Variants in SORCS2 observed in about 807,000 individuals in gnomAD.
SORCS2 encodes the protein VPS10 domain-containing receptor SorCS2.
Under a neutral mutation model 141.6 loss-of-function variants are expected in SORCS2, and 100 were observed. The observed-to-expected ratio is 0.71, with a 90% CI of 0.60 to 0.83. The LOEUF is 0.83. SORCS2 is among the 40% of genes least tolerant of loss of function. SORCS2 has a pLI of 0.00. For missense variants in SORCS2, 1,646 were observed against 1,560.2 expected (o/e 1.05, Z -0.93); for synonymous variants, 789 against 676.9 (o/e 1.17, Z -2.57).
intron 1 of SORCS2, among the ~76,000 whole-genome samples, chr4:7,388,939 C>T (rs375725222): frequency 6.6e-5 from 10 of 152,296 alleles, no homozygotes; most frequent in African/African-American, 2.4e-4. Flanking sequence ...GGACTTTAGG[C>T]ATCCCTCATT....
In SORCS2 at chr4:7,723,622, A is replaced by T; in HGVS notation, c.2425-75A>T. 3 of 1,492,096 alleles carry T rather than the reference A, an allele frequency of 2.0e-6. No homozygotes were observed. The South Asian group carries it at 3.4e-5, about 17-fold the overall frequency. The allele number at this position is 1,492,096 out of a possible 1,614,324, so 92.4% of individuals were successfully genotyped here. ...CAATGAATGAATGAGTGAGTGAGTG[A>T]GTGAGTGAATGAACCACTCTGGCCC... On this transcript the variant is annotated intron_variant, in intron 18 of 26. Transcript: ENST00000507866.
chr4:7,324,023 C>T (rs982893953), intron 1 of SORCS2, among the ~76,000 whole-genome samples: 5 of 152,202 alleles, frequency 3.3e-5, no homozygotes, highest in African/African-American at 7.2e-5. Context: ...CATCCTTACG[C>T]GATGGGTCTC....
chr4:7,698,567 G>A (rs969559825), intron 12 of SORCS2, among the ~76,000 whole-genome samples: 3 of 152,228 alleles, frequency 2.0e-5, no homozygotes, highest in Non-Finnish European at 2.9e-5. Context: ...CAATAGACAG[G>A]GTGAAATAGA....
intron 2 of SORCS2, among the ~76,000 whole-genome samples, chr4:7,471,560 C>CGG (rs567095933): frequency 1.5e-3 from 222 of 152,346 alleles, no homozygotes; most frequent in African/African-American, 4.8e-3. Flanking sequence ...GGCCCTCCAG[C>CGG]GGGGCTCGCC....
At chr4:7,462,843 A>G (rs1385214282) in intron 2 of SORCS2, among the ~76,000 whole-genome samples, 1 of 150,172 alleles carries the variant, frequency 6.7e-6, no homozygotes, top group Non-Finnish European at 1.5e-5. Context: ...CACTCGCCAG[A>G]GGGAGCGCTC....
chr4:7,737,222 C>A, intron 26 of SORCS2, 50 bp downstream of exon 26: 6 of 1,547,616 alleles, frequency 3.9e-6, no homozygotes, highest in Non-Finnish European at 4.4e-6. Flanking sequence ...TAGGTAACGT[C>A]CGCCCCAAAC....
intron 1 of SORCS2, among the ~76,000 whole-genome samples, chr4:7,203,635 A>G (rs1428222110): frequency 6.6e-6 from 1 of 152,202 alleles, no homozygotes; most frequent in Non-Finnish European, 1.5e-5. Context: ...TTTTTTCTTT[A>G]TTACTATTTT....
chr4:7,662,644 G>A (rs925025076), intron 6 of SORCS2, among the ~76,000 whole-genome samples: 3 of 152,320 alleles, frequency 2.0e-5, no homozygotes, highest in South Asian at 2.1e-4. Context: ...TTCACTGTCC[G>A]CATCACACCA....
Position 7,338,119 on chromosome 4 carries a change from A to C in SORCS2, c.481-58169A>C, listed in dbSNP as rs1402976425. 5.3e-5 allele frequency among the ~76,000 whole-genome samples: 8 copies of C among 150,872 alleles called. No individual in the cohort carries two copies. In the East Asian group the frequency reaches 1.6e-3, roughly 29 times the overall value. On this transcript the variant is annotated intron_variant, in intron 1 of 26. Transcript: ENST00000507866. The stretch of plus-strand genomic sequence containing the variant: ...TGGATGTTGGATGGATGTTGGATGG[A>C]TGGATGGATGGATGGATGTTGGTTG...
chr4:7,423,439 C>A (rs970596844), intron 2 of SORCS2, among the ~76,000 whole-genome samples: 2 of 152,102 alleles, frequency 1.3e-5, no homozygotes, highest in Non-Finnish European at 2.9e-5. Context: ...TTTTTAGAAA[C>A]AGGGTCTCAC....
chr4:7,443,958 C>A (rs994166337), intron 2 of SORCS2, among the ~76,000 whole-genome samples: 1 of 152,228 alleles, frequency 6.6e-6, no homozygotes, highest in Non-Finnish European at 1.5e-5. Flanking sequence ...CACATGTCCA[C>A]CTGACCCCAA....
intron 3 of SORCS2, among the ~76,000 whole-genome samples, chr4:7,545,975 C>G (rs78220293): frequency 6.6e-6 from 1 of 152,142 alleles, no homozygotes; most frequent in African/African-American, 2.4e-5. Context: ...GCTGCCTTCT[C>G]GTTATCTTCA....
At chr4:7,505,661 C>T (rs930428426) in intron 2 of SORCS2, among the ~76,000 whole-genome samples, 1 of 152,132 alleles carries the variant, frequency 6.6e-6, no homozygotes, top group African/African-American at 2.4e-5. Context: ...AGAGGGTACT[C>T]AGATACCCCC....
chr4:7,731,426 A>C (rs1235444758), intron 23 of SORCS2, among the ~76,000 whole-genome samples: 2 of 152,252 alleles, frequency 1.3e-5, no homozygotes, highest in African/African-American at 4.8e-5. Flanking sequence ...AAGGTCTATC[A>C]AAATTTCAAT....
intron 1 of SORCS2, among the ~76,000 whole-genome samples, chr4:7,381,155 T>C (rs1187654597): frequency 1.3e-5 from 2 of 151,928 alleles, no homozygotes; most frequent in Non-Finnish European, 2.9e-5. Context: ...TGGGTGATTC[T>C]GGTGCAGATG....
At chr4:7,225,008 A>G (rs1244134449) in intron 1 of SORCS2, among the ~76,000 whole-genome samples, 2 of 152,210 alleles carry the variant, frequency 1.3e-5, no homozygotes, top group Non-Finnish European at 2.9e-5. Flanking sequence ...AAATGCTTCC[A>G]AGGGAGAGAG....
intron 14 of SORCS2, 71 bp from the exon 15 acceptor site, chr4:7,712,662 C>T (rs1159871757): frequency 1.3e-6 from 2 of 1,594,832 alleles, no homozygotes; most frequent in Admixed American, 1.7e-5. Context: ...CCAGAGGGGA[C>T]ATGATTTGCA....
chr4:7,704,164 C>G lies in SORCS2; in HGVS notation c.1761-13C>G. 1 of 1,608,486 alleles carries G rather than the reference C, an allele frequency of 6.2e-7. No individual in the cohort carries two copies. The highest frequency in any genetic ancestry group is 8.5e-7 in the Non-Finnish European group (1 of 1,177,596). On this transcript the variant is annotated splice_polypyrimidine_tract_variant and intron_variant, in intron 13 of 26. Transcript: ENST00000507866. ...AGCCCACCCCAGAGATGCTGACGAT[C>G]TTCTCCTGGCAGGTTCAGTGTGGAC...
intron 4 of SORCS2, among the ~76,000 whole-genome samples, chr4:7,651,757 G>A (rs1042566403): frequency 1.3e-5 from 2 of 152,204 alleles, no homozygotes; most frequent in African/African-American, 4.8e-5. Context: ...CCAGAACAGA[G>A]GGCCTTGACC....
Sources: gnomAD v4.1 joint callset for allele counts (sites outside exome capture counted in the v4.1 genomes callset) on GRCh38, gnomAD v4.1.1 for gene constraint, MANE v1.5 for transcripts, NCBI Gene and HGNC (gene_info 2026-07-23, HGNC 2026-07-21) for gene names.